Variants in QTMAN observed in about 807,000 individuals in gnomAD.
The protein encoded by QTMAN is tRNA-queuosine alpha-mannosyltransferase.
At chr2:144,174,179 T>C in the QTMAN span, among the ~76,000 whole-genome samples, 2 of 152,194 alleles carry the variant, frequency 1.3e-5, no homozygotes, top group South Asian at 4.1e-4. Flanking sequence ...TCTACAGACA[T>C]CCAGAATTCT....
At chr2:144,133,145 AT>A in the QTMAN span, among the ~76,000 whole-genome samples, 547 of 50,798 alleles carry the variant, frequency 0.011, 19 homozygotes, top group African/African-American at 0.052. Context: ...ATATATATAT[AT>A]ATATAATATA....
chr2:143,994,825 ACT>A, the QTMAN span, among the ~76,000 whole-genome samples: 5 of 152,148 alleles, frequency 3.3e-5, no homozygotes, highest in Admixed American at 3.3e-4. Flanking sequence ...TAGTTGTGCA[ACT>A]CTGTAAATTT....
chr2:144,162,105 G>A, the QTMAN span, among the ~76,000 whole-genome samples: 1 of 152,156 alleles, frequency 6.6e-6, no homozygotes, highest in African/African-American at 2.4e-5. Flanking sequence ...ATCAGTGAGT[G>A]AATTTAGAAG....
chr2:144,311,072 C>T, the QTMAN span, among the ~76,000 whole-genome samples: 2 of 152,280 alleles, frequency 1.3e-5, no homozygotes, highest in East Asian at 3.9e-4. Context: ...CTGCTAGGCA[C>T]TTCACACCTT....
the QTMAN span, among the ~76,000 whole-genome samples, chr2:144,121,230 G>A: frequency 4.9e-3 from 753 of 152,186 alleles, 20 homozygotes; most frequent in Admixed American, 0.034. Context: ...GTCTGGTGGC[G>A]GCACACTGGT....
At chr2:144,328,314 A>C in the QTMAN span, among the ~76,000 whole-genome samples, 2 of 152,226 alleles carry the variant, frequency 1.3e-5, no homozygotes, top group South Asian at 4.1e-4. Flanking sequence ...GTGATCCTAC[A>C]CAGCATAGGG....
chr2:144,182,807 TAA>T, the QTMAN span, among the ~76,000 whole-genome samples: 3 of 13,104 alleles, frequency 2.3e-4, no homozygotes, highest in African/African-American at 2.3e-4. Context: ...ATTATATATA[TAA>T]TATATATATT....
At chr2:144,285,536 C>A in the QTMAN span, among the ~76,000 whole-genome samples, 36 of 152,296 alleles carry the variant, frequency 2.4e-4, no homozygotes, top group Middle Eastern at 3.4e-3. Context: ...AGTGGCAGAA[C>A]TGTGACTTGA....
At chr2:144,189,162 T>C in the QTMAN span, among the ~76,000 whole-genome samples, 1 of 152,192 alleles carries the variant, frequency 6.6e-6, no homozygotes, top group African/African-American at 2.4e-5. Flanking sequence ...TGCATACATA[T>C]ATGCATTTTG....
At chr2:144,182,117 A>T in the QTMAN span, among the ~76,000 whole-genome samples, 29 of 150,610 alleles carry the variant, frequency 1.9e-4, no homozygotes, top group African/African-American at 3.2e-4. Flanking sequence ...AAAAGAGAAT[A>T]AAAAAAAAGT....
chr2:143,940,938 C>T, the QTMAN span: 9 of 152,232 alleles, frequency 5.9e-5, no homozygotes, highest in Non-Finnish European at 1.0e-4. Context: ...ATTGAGAATA[C>T]AAGCACTGGC....
the QTMAN span, among the ~76,000 whole-genome samples, chr2:144,008,602 C>G: frequency 4.9e-4 from 74 of 152,112 alleles, no homozygotes; most frequent in African/African-American, 1.8e-3. Flanking sequence ...CATCCAGAAA[C>G]TTGGCCTCCC....
chr2:144,133,545 A>T, the QTMAN span, among the ~76,000 whole-genome samples: 1 of 107,474 alleles, frequency 9.3e-6, no homozygotes, highest in Admixed American at 1.5e-4. Context: ...TAAAGATATA[A>T]AGATATAAAT....
the QTMAN span, among the ~76,000 whole-genome samples, chr2:144,113,192 C>G: frequency 6.6e-6 from 1 of 150,778 alleles, no homozygotes; most frequent in Non-Finnish European, 1.5e-5. Context: ...TAAAATGATT[C>G]AAGAAATAAA....
At chr2:144,213,340 A>G in the QTMAN span, among the ~76,000 whole-genome samples, 1 of 152,224 alleles carries the variant, frequency 6.6e-6, no homozygotes, top group Non-Finnish European at 1.5e-5. Flanking sequence ...TGTTTTTAAC[A>G]GTATAGATAT....
At chr2:144,059,323 T>C in the QTMAN span, among the ~76,000 whole-genome samples, 1 of 152,182 alleles carries the variant, frequency 6.6e-6, no homozygotes, top group African/African-American at 2.4e-5. Flanking sequence ...ATTCCTTTCT[T>C]CCCTGTGAAG....
the QTMAN span, among the ~76,000 whole-genome samples, chr2:144,224,724 T>C: frequency 6.6e-6 from 1 of 152,204 alleles, no homozygotes; most frequent in Non-Finnish European, 1.5e-5. Context: ...ATAAGACACA[T>C]GCTTGGTATG....
the QTMAN span, chr2:143,947,103 T>C: frequency 6.2e-7 from 1 of 1,613,982 alleles, no homozygotes; most frequent in Admixed American, 1.7e-5. Flanking sequence ...ATTTACCATG[T>C]AGGGCTGCCC....
chr2:143,986,761 C>T, the QTMAN span, among the ~76,000 whole-genome samples: 3 of 152,184 alleles, frequency 2.0e-5, no homozygotes, highest in African/African-American at 7.2e-5. Context: ...CAAAAATTTA[C>T]ACATTACTGT....
Sources: gnomAD v4.1 joint callset for allele counts (sites outside exome capture counted in the v4.1 genomes callset) on GRCh38, gnomAD v4.1.1 for gene constraint, MANE v1.5 for transcripts, NCBI Gene and HGNC (gene_info 2026-07-23, HGNC 2026-07-21) for gene names.